HOXA3: variants seen among roughly 807,000 people sequenced by gnomAD.
HOXA3 encodes homeobox protein Hox-A3.
In HOXA3, 8 loss-of-function variants were observed where a neutral mutation model predicts 30.3. That is an observed-to-expected ratio of 0.26 (90% CI 0.15 to 0.48). The LOEUF (loss-of-function observed/expected upper bound fraction) is 0.48, where lower values mean the gene tolerates loss of function less well. HOXA3 is among the 20% of genes least tolerant of loss of function. The pLI is 0.99. For missense variants in HOXA3, 653 were observed against 614.4 expected (o/e 1.06, Z -0.66); for synonymous variants, 323 against 273.1 (o/e 1.18, Z -1.80).
intron 3 of HOXA3, chr7:27,123,219 A>C (rs1785125681): frequency 6.6e-6 from 1 of 152,152 alleles, no homozygotes; most frequent in Non-Finnish European, 1.5e-5. Flanking sequence ...GGTTTATTCA[A>C]CTCTGGGTGC....
intron 2 of HOXA3, among the ~76,000 whole-genome samples, chr7:27,139,749 C>T (rs980876353): frequency 6.6e-6 from 1 of 152,186 alleles, no homozygotes; most frequent in African/African-American, 2.4e-5. Context: ...ACTGGGGGTG[C>T]GGCCCTGCCA....
intron 2 of HOXA3, among the ~76,000 whole-genome samples, chr7:27,131,039 G>C (rs1785541197): frequency 6.6e-6 from 1 of 152,088 alleles, no homozygotes; most frequent in South Asian, 2.1e-4. Flanking sequence ...CTGCTGTCCG[G>C]CCCCTGGGCT....
rs1337485368 is a variant in HOXA3, at chr7:27,110,609, G to T, written c.32C>A (p.Ala11Glu). The T allele has an allele frequency of 6.2e-7, 1 of 1,607,042 alleles. No individual in the cohort carries two copies. The highest frequency in any genetic ancestry group is 1.3e-5 in the African/African-American group (1 of 74,824). Residue 11 changes from alanine (A) to glutamate (E), a missense_variant, in exon 5 of 6, where the codon GCG becomes GAG. By Grantham distance (107) the Ala-to-Glu change is moderately radical (BLOSUM62 -1). Coordinates refer to ENST00000612286, the MANE Select transcript of HOXA3 (RefSeq NM_153631.3). The part of the protein sequence containing the change: MQKATYYDSS[A>E]IYGGYPYQAA... Reference sequence around the variant, plus strand: ...CTGGTAGGGGTAGCCACCGTAGATCGCCGAGCTGTCGTAGTAGGTCGCTTT... The same window carrying T: ...CTGGTAGGGGTAGCCACCGTAGATCTCCGAGCTGTCGTAGTAGGTCGCTTT...
intron 4 of HOXA3, among the ~76,000 whole-genome samples, chr7:27,114,814 T>C (rs1281988480): frequency 2.2e-4 from 5 of 22,640 alleles, no homozygotes; most frequent in Non-Finnish European, 5.0e-4. Flanking sequence ...TCCTAAAACA[T>C]ACATATATAT....
chr7:27,143,621 T>C (rs750698181), intron 1 of HOXA3: 8 of 1,582,582 alleles, frequency 5.1e-6, no homozygotes, highest in Non-Finnish European at 6.9e-6. Flanking sequence ...TTTTTTGATA[T>C]GTGTGCTTGA....
At chr7:27,122,764 G>A (rs1335351480) in intron 3 of HOXA3, 122 bp from the exon 4 acceptor site, 1 of 152,204 alleles carries the variant, frequency 6.6e-6, no homozygotes, top group Non-Finnish European at 1.5e-5. Context: ...GCGAACATCA[G>A]GGAGTCACCA....
At chr7:27,111,687 T>G (rs1304266780) in intron 4 of HOXA3, among the ~76,000 whole-genome samples, 1 of 152,126 alleles carries the variant, frequency 6.6e-6, no homozygotes, top group Non-Finnish European at 1.5e-5. Context: ...TGTCTTGGAC[T>G]TTCTAAGGTG....
At chr7:27,147,757 C>A in intron 1 of HOXA3, 1 of 1,600,812 alleles carries the variant, frequency 6.2e-7, no homozygotes, top group Non-Finnish European at 8.5e-7. Flanking sequence ...CATTTGCGCG[C>A]CCCTCTGCAG....
intron 2 of HOXA3, among the ~76,000 whole-genome samples, chr7:27,132,686 A>C (rs1785595925): frequency 6.6e-6 from 1 of 152,198 alleles, no homozygotes; most frequent in Non-Finnish European, 1.5e-5. Context: ...CTGGAGGAAA[A>C]ATTTAGAATG....
At chr7:27,115,302 A>G (rs1325076119) in intron 4 of HOXA3, 1 of 152,102 alleles carries the variant, frequency 6.6e-6, no homozygotes, top group Non-Finnish European at 1.5e-5. Flanking sequence ...CGGCGCCCCA[A>G]AGCTGTAAAC....
intron 1 of HOXA3, chr7:27,151,656 A>ACGAG (rs765156333): frequency 3.1e-5 from 14 of 456,600 alleles, no homozygotes; most frequent in South Asian, 1.7e-4. Context: ...GAAGCCGGCA[A>ACGAG]CGAGCGGAGA....
At chr7:27,139,710 C>T (rs543271101) in intron 2 of HOXA3, among the ~76,000 whole-genome samples, 26 of 152,258 alleles carry the variant, frequency 1.7e-4, no homozygotes, top group African/African-American at 6.0e-4. Context: ...CAGGAGCTGG[C>T]CCCGGCCGGC....
chr7:27,126,708 C>T (rs1233626923), intron 3 of HOXA3, among the ~76,000 whole-genome samples, 178 bp downstream of exon 3: 1 of 152,180 alleles, frequency 6.6e-6, no homozygotes, highest in Admixed American at 6.5e-5. Flanking sequence ...AAAATGCCAT[C>T]TTGTCCTGGA....
At chr7:27,143,055 T>A in intron 1 of HOXA3, 1 of 1,528,006 alleles carries the variant, frequency 6.5e-7, no homozygotes, top group Non-Finnish European at 8.7e-7. Flanking sequence ...CCATGACTTA[T>A]GTGCAGCTTG....
rs1483240707 is a variant in HOXA3, at chr7:27,143,457, C to T, written c.-493-3271G>A. The T allele has an allele frequency of 1.9e-6, 3 of 1,613,722 alleles. No homozygotes were observed. The African/African-American group carries it at 4.0e-5, about 22-fold the overall frequency. Reference sequence around the variant, plus strand: ...GAGCGGCCGACGCTGAGATCCATGCCATTGTAGCCGTAGCCGTACCTGCCG... The same window carrying T: ...GAGCGGCCGACGCTGAGATCCATGCTATTGTAGCCGTAGCCGTACCTGCCG... On this transcript the variant is annotated intron_variant, in intron 1 of 5. Coordinates refer to ENST00000612286, the MANE Select transcript of HOXA3 (RefSeq NM_153631.3).
intron 1 of HOXA3, chr7:27,145,721 T>G (rs1782735104): frequency 6.2e-7 from 1 of 1,614,106 alleles, no homozygotes; most frequent in South Asian, 1.1e-5. Context: ...TGAGCTTGTT[T>G]TCCTTTTTCC....
intron 2 of HOXA3, chr7:27,129,707 CG>C: frequency 1.1e-6 from 1 of 944,556 alleles, no homozygotes; most frequent in Non-Finnish European, 1.6e-6. Flanking sequence ...ACCAAGTTCA[CG>C]CAAGATACAT....
rs767370047 is a variant in HOXA3 at position 27,108,379 on chromosome 7, C to CAT, written c.866_867dup (p.Glu290MetfsTer87). The CAT allele has an allele frequency of 6.3e-7, 1 of 1,584,342 alleles. No homozygotes were observed. Among genetic ancestry groups the CAT allele is most frequent in the Non-Finnish European group, 8.6e-7 (1 of 1,162,612 alleles). On this transcript the variant is annotated frameshift_variant, in exon 6 of 6. Transcript: ENST00000612286. LOFTEE classifies it high-confidence loss of function. This position sits in a 1 kb window ranked among gnomAD's most constrained non-coding sequence, Gnocchi z 5.0. Reference sequence around the variant, plus strand: ...GAGAAGGGCGGGGGCGACTGGGGCTCATACGGGACGCTGTTGACCAGCGAA... The same window carrying CAT: ...GAGAAGGGCGGGGGCGACTGGGGCTCATATACGGGACGCTGTTGACCAGCGAA...
intron 4 of HOXA3, 71 bp from the exon 5 acceptor site, chr7:27,110,831 C>T (rs1784330695): frequency 4.1e-6 from 3 of 739,890 alleles, no homozygotes; most frequent in East Asian, 5.7e-5. Context: ...AGCTAAGTGA[C>T]ATGAAAGCCA....
Sources: gnomAD v4.1 joint callset for allele counts (sites outside exome capture counted in the v4.1 genomes callset) on GRCh38, gnomAD v4.1.1 for gene constraint, Gnocchi (gnomAD v3.1) non-coding constraint, MANE v1.5 for transcripts, NCBI Gene and HGNC (gene_info 2026-07-23, HGNC 2026-07-21) for gene names.